The following TSPAN2 variants were observed in gnomAD, a reference collection of about 807,000 sequenced individuals.
TSPAN2 encodes tetraspanin-2.
In TSPAN2, 24 loss-of-function variants were observed where a neutral mutation model predicts 33.3. The observed-to-expected ratio is 0.72, with a 90% confidence interval of 0.52 to 1.01. The LOEUF is 1.01. Among genes scored for constraint, TSPAN2 ranks in the 50% least tolerant of loss-of-function variants. TSPAN2 has a pLI of 0.00. For missense variants in TSPAN2, 278 were observed against 281.3 expected (o/e 0.99, Z 0.08); for synonymous variants, 114 against 104.5 (o/e 1.09, Z -0.56).
Position 115,050,477 on chromosome 1 carries a change from T to G in TSPAN2, c.*13A>C, listed in dbSNP as rs575243719. ...TGAAAGCTTTAGATTGCAATTTTCA[T>G]GTAGAAGTAGCTTCATATCACATCT... On this transcript the variant is annotated 3_prime_UTR_variant, in exon 8 of 8. Coordinates refer to ENST00000369516, the MANE Select transcript of TSPAN2 (RefSeq NM_005725.6). 6.2e-7 allele frequency: 1 copy of G among 1,613,194 alleles called. No individual in the cohort carries two copies. The highest frequency in any genetic ancestry group is 1.1e-5 in the South Asian group (1 of 91,052).
At position 115,057,555 on chromosome 1, in the gene TSPAN2, C is replaced by T; in HGVS notation, c.498G>A (p.Lys166=). Residue 166 remains lysine, a synonymous_variant, in exon 6 of 8, where the codon AAG becomes AAA. Transcript: ENST00000369516. ...AGCTTACCTTGTGTCCTAGAAGCTC[C>T]TTTGGGCATGTAGGTTGGACCTGTT... ...SSEQVQPTCP[K]ELLGHKNCID... 1 of 1,614,140 alleles carries T rather than the reference C, an allele frequency of 6.2e-7. No individual in the cohort carries two copies. Among genetic ancestry groups the T allele is most frequent in the Non-Finnish European group, 8.5e-7 (1 of 1,179,988 alleles).
In TSPAN2 at chr1:115,048,202, T is replaced by A. The variant is rs1426303248; in HGVS notation, c.*2288A>T. On this transcript the variant is annotated 3_prime_UTR_variant, in exon 8 of 8. Coordinates refer to ENST00000369516, the MANE Select transcript of TSPAN2 (RefSeq NM_005725.6). Reference sequence around the variant, plus strand: ...ATATATATATACACACACATCTGTATATACATACATGTATATATTCAAATT... The same window carrying A: ...ATATATATATACACACACATCTGTAAATACATACATGTATATATTCAAATT... 3.3e-5 allele frequency: 5 copies of A among 150,536 alleles called. No homozygotes were observed. In the South Asian group the frequency reaches 6.3e-4, roughly 19 times the overall value. The allele number at this position is 150,536 out of a possible 1,614,324, so 9.3% of individuals were successfully genotyped here. A position where few individuals can be genotyped will look rare whatever the true frequency, so the allele number is the denominator to read the frequency against.
rs1296559642 is a variant in TSPAN2, at chr1:115,049,684, G to A, written c.*806C>T. Reference sequence around the variant, plus strand: ...GTAGTTTACAGCAGGGTCAGAAAATGAAAGTAATAAAGCAATATTTACATG... The same window carrying A: ...GTAGTTTACAGCAGGGTCAGAAAATAAAAGTAATAAAGCAATATTTACATG... On this transcript the variant is annotated 3_prime_UTR_variant, in exon 8 of 8. Transcript: ENST00000369516. 3 of 152,534 alleles carry A rather than the reference G, an allele frequency of 2.0e-5. No individual in the cohort carries two copies. The highest frequency in any genetic ancestry group is 6.5e-5 in the Admixed American group (1 of 15,270). 9.4% of individuals were successfully genotyped at this position (152,534 alleles called of 1,614,324 possible). A position where few individuals can be genotyped will look rare whatever the true frequency, so the allele number is the denominator to read the frequency against.
intron 7 of TSPAN2, among the ~76,000 whole-genome samples, chr1:115,051,897 C>CT (rs1675325645): frequency 1.3e-5 from 2 of 152,264 alleles, no homozygotes; most frequent in African/African-American, 4.8e-5. Flanking sequence ...ACGAAGAAAC[C>CT]TGGGGGTGCC....
intron 1 of TSPAN2, among the ~76,000 whole-genome samples, chr1:115,079,506 A>C (rs1648543238): frequency 1.3e-5 from 2 of 152,212 alleles, no homozygotes; most frequent in Admixed American, 6.5e-5. Context: ...ATTTTCTCAA[A>C]GAGGAAAACC....
At chr1:115,056,685 T>G (rs1042261522) in intron 6 of TSPAN2, among the ~76,000 whole-genome samples, 1 of 152,230 alleles carries the variant, frequency 6.6e-6, no homozygotes, top group Non-Finnish European at 1.5e-5. Flanking sequence ...CCGAGCACGT[T>G]GCACATTCCA....
intron 1 of TSPAN2, among the ~76,000 whole-genome samples, chr1:115,075,858 A>AT (rs142205029): frequency 1.2e-4 from 18 of 148,480 alleles, no homozygotes; most frequent in South Asian, 2.1e-4. Context: ...GGAGGCTACC[A>AT]TTTTTTTTTT....
At position 115,087,018 on chromosome 1, in the gene TSPAN2, C is replaced by A. The variant is rs193061794; in HGVS notation, c.69+2346G>T. ...CACTGCAACCTCTGCCTCCCGGGTT[C>A]AAGAGATTCTTCTGCTTCAGCCTCC... On this transcript the variant is annotated intron_variant, in intron 1 of 7. Transcript: ENST00000369516. Among the ~76,000 whole-genome samples the A allele has an allele frequency of 2.0e-4, 30 of 152,156 alleles. No individual in the cohort carries two copies. The East Asian group carries it at 5.9e-3, about 30-fold the overall frequency.
At position 115,082,112 on chromosome 1, in the gene TSPAN2, C is replaced by T. The variant is rs542575427; in HGVS notation, c.69+7252G>A. On this transcript the variant is annotated intron_variant, in intron 1 of 7. Coordinates refer to ENST00000369516, the MANE Select transcript of TSPAN2 (RefSeq NM_005725.6). ...AATGTCCTATATCTCTGCTGTCCAGCGTTGTGGCCACTAGGCACCTATGGC... is the reference window on the plus strand; with the variant it reads ...AATGTCCTATATCTCTGCTGTCCAGTGTTGTGGCCACTAGGCACCTATGGC... 4.6e-5 allele frequency among the ~76,000 whole-genome samples: 7 copies of T among 152,340 alleles called. No homozygotes were observed. The East Asian group carries it at 7.7e-4, about 17-fold the overall frequency.
At chr1:115,083,865 C>T (rs1648729697) in intron 1 of TSPAN2, among the ~76,000 whole-genome samples, 1 of 152,206 alleles carries the variant, frequency 6.6e-6, no homozygotes. Flanking sequence ...GACACAGTCC[C>T]TGCCCTCAAG....
rs576085357 is a variant in TSPAN2, at chr1:115,086,153, AT to A, written c.69+3210del. ...GCCGATAACAAAAATAATAATTAAT[AT>A]TTTTGAGCATTTACTATGTCCTAGG... On this transcript the variant is annotated intron_variant, in intron 1 of 7. Coordinates refer to ENST00000369516, the MANE Select transcript of TSPAN2 (RefSeq NM_005725.6). Among the ~76,000 whole-genome samples, 9 of 152,290 alleles carry A rather than the reference AT, an allele frequency of 5.9e-5. No homozygotes were observed. The South Asian group carries it at 1.9e-3, about 32-fold the overall frequency.
At chr1:115,073,049 G>A in intron 1 of TSPAN2, 42 bp from the exon 2 acceptor site, 1 of 1,550,032 alleles carries the variant, frequency 6.5e-7, no homozygotes, top group Non-Finnish European at 8.9e-7. Context: ...GAAGGGGAAA[G>A]AGCATGCACA....
rs1675259354 is a variant in TSPAN2 at position 115,049,768 on chromosome 1, T to C, written c.*722A>G. On this transcript the variant is annotated 3_prime_UTR_variant, in exon 8 of 8. Coordinates refer to ENST00000369516, the MANE Select transcript of TSPAN2 (RefSeq NM_005725.6). The stretch of plus-strand genomic sequence containing the variant: ...AGTTGTTAAAAGTTTTTTAGTCCTA[T>C]AAACACTCACTTTTATAGGGCACAT... The C allele has an allele frequency of 6.6e-6, 1 of 152,612 alleles. No individual in the cohort carries two copies. Among genetic ancestry groups the C allele is most frequent in the African/African-American group, 2.4e-5 (1 of 41,452 alleles). The allele number at this position is 152,612 out of a possible 1,614,324, so 9.5% of individuals were successfully genotyped here.
chr1:115,053,225 C>G (rs1221825708), intron 7 of TSPAN2, among the ~76,000 whole-genome samples, 154 bp downstream of exon 7: 1 of 152,128 alleles, frequency 6.6e-6, no homozygotes, highest in Non-Finnish European at 1.5e-5. Flanking sequence ...TATTTATGAG[C>G]TTTGTTCTTA....
rs1393412071 is a variant in TSPAN2 at position 115,048,632 on chromosome 1, A to G, written c.*1858T>C. ...ATTCTGAGTTGGAAAGAACCCGAGTATGCACTTGGGCCTGTTTCCTGTCTT... is the reference window on the plus strand; with the variant it reads ...ATTCTGAGTTGGAAAGAACCCGAGTGTGCACTTGGGCCTGTTTCCTGTCTT... On this transcript the variant is annotated 3_prime_UTR_variant, in exon 8 of 8. Transcript: ENST00000369516. 1 of 152,090 alleles carries G rather than the reference A, an allele frequency of 6.6e-6. No homozygotes were observed. Among genetic ancestry groups the G allele is most frequent in the Non-Finnish European group, 1.5e-5 (1 of 67,968 alleles). The allele number at this position is 152,090 out of a possible 1,614,324, so 9.4% of individuals were successfully genotyped here. A position where few individuals can be genotyped will look rare whatever the true frequency, so the allele number is the denominator to read the frequency against.
chr1:115,060,804 A>G (rs1409506676), intron 3 of TSPAN2, among the ~76,000 whole-genome samples: 3 of 152,250 alleles, frequency 2.0e-5, no homozygotes, highest in Non-Finnish European at 4.4e-5. Context: ...ATAACTGTGT[A>G]AAGAAGTTAA....
intron 1 of TSPAN2, among the ~76,000 whole-genome samples, chr1:115,074,387 GA>G (rs1648313974): frequency 6.6e-6 from 1 of 152,156 alleles, no homozygotes; most frequent in Non-Finnish European, 1.5e-5. Context: ...AGCTTCTTCA[GA>G]AAAGAGGTGC....
intron 1 of TSPAN2, among the ~76,000 whole-genome samples, chr1:115,086,786 T>G (rs1307979801): frequency 1.3e-5 from 2 of 152,226 alleles, no homozygotes; most frequent in Non-Finnish European, 2.9e-5. Context: ...GTTTAATCAT[T>G]GTTTAACAGA....
intron 2 of TSPAN2, among the ~76,000 whole-genome samples, chr1:115,071,614 T>C (rs1243610673): frequency 2.6e-5 from 4 of 152,248 alleles, no homozygotes; most frequent in African/African-American, 9.6e-5. Flanking sequence ...TGGTATGTCA[T>C]AGCTAAGCTA....
Sources: allele counts gnomAD v4.1 joint callset (sites outside exome capture counted in the v4.1 genomes callset), GRCh38; gene constraint gnomAD v4.1.1; transcripts MANE v1.5; gene names NCBI Gene and HGNC (gene_info 2026-07-23, HGNC 2026-07-21).